The following KALRN variants were observed in gnomAD, a reference collection of about 807,000 sequenced individuals.
KALRN encodes the protein kalirin.
In KALRN, 70 loss-of-function variants were observed where a neutral mutation model predicts 353.7. The ratio of observed to expected loss-of-function variants is 0.20; its 90% CI spans 0.16 to 0.24. The LOEUF is 0.24. KALRN is among the 10% of genes least tolerant of loss of function. The pLI is 1.00. For missense variants in KALRN, 2,791 were observed against 3,756.7 expected, an observed-to-expected ratio of 0.74 and a Z score of 6.72; for synonymous variants, 1,391 against 1,434.8, an observed-to-expected ratio of 0.97 and a Z score of 0.69.
At chr3:124,341,184 T>G (rs954325643) in intron 9 of KALRN, among the ~76,000 whole-genome samples, 4 of 152,198 alleles carry the variant, frequency 2.6e-5, no homozygotes, top group African/African-American at 9.7e-5. Flanking sequence ...AGACTGTTCT[T>G]GGAAAAGACT....
At chr3:124,156,118 A>G (rs1292891661) in intron 1 of KALRN, among the ~76,000 whole-genome samples, 1 of 152,172 alleles carries the variant, frequency 6.6e-6, no homozygotes, top group Non-Finnish European at 1.5e-5. Flanking sequence ...AGCCAGATTC[A>G]GGGTGGTATA....
chr3:124,193,303 G>A (rs1288997410), intron 1 of KALRN, among the ~76,000 whole-genome samples: 1 of 152,048 alleles, frequency 6.6e-6, no homozygotes, highest in Non-Finnish European at 1.5e-5. Context: ...ATTTTTATGG[G>A]TGAAGAAATG....
intron 34 of KALRN, among the ~76,000 whole-genome samples, chr3:124,601,731 C>T (rs1452897760): frequency 1.3e-5 from 2 of 152,162 alleles, no homozygotes; most frequent in East Asian, 1.9e-4. Context: ...CCTTTTACGG[C>T]TCAGAAATTT....
chr3:124,127,107 A>G (rs1230956850), intron 1 of KALRN, among the ~76,000 whole-genome samples: 6 of 152,198 alleles, frequency 3.9e-5, no homozygotes, highest in Non-Finnish European at 7.3e-5. Flanking sequence ...ATCACCCTTC[A>G]TAAATTTCAA....
At chr3:124,277,060 G>A (rs533462040) in intron 5 of KALRN, among the ~76,000 whole-genome samples, 1 of 152,360 alleles carries the variant, frequency 6.6e-6, no homozygotes, top group East Asian at 1.9e-4. Context: ...CAGGAACCTA[G>A]GCGGTGGCTA....
chr3:124,640,369 C>T (rs1351757668), intron 37 of KALRN, among the ~76,000 whole-genome samples: 1 of 151,156 alleles, frequency 6.6e-6, no homozygotes, highest in East Asian at 1.9e-4. Context: ...TCTCTGCAAC[C>T]TCCACCTCCC....
chr3:124,548,987 C>A (rs1340622575), intron 33 of KALRN, among the ~76,000 whole-genome samples: 2 of 152,146 alleles, frequency 1.3e-5, no homozygotes, highest in Non-Finnish European at 2.9e-5. Context: ...AAACAGCAGC[C>A]CTATTAAGTT....
intron 10 of KALRN, among the ~76,000 whole-genome samples, chr3:124,351,673 G>C (rs1039256528): frequency 2.0e-5 from 3 of 152,192 alleles, no homozygotes; most frequent in African/African-American, 7.2e-5. Flanking sequence ...ATTCTTACCA[G>C]TGGTCAGTCT....
chr3:124,488,337 G>A, intron 29 of KALRN, 22 bp downstream of exon 29: 1 of 1,489,818 alleles, frequency 6.7e-7, no homozygotes, highest in Non-Finnish European at 9.4e-7. Flanking sequence ...CCCAGCACTG[G>A]GGAAGCCTCC....
At chr3:124,337,921 C>T (rs555432276) in intron 9 of KALRN, among the ~76,000 whole-genome samples, 3 of 152,104 alleles carry the variant, frequency 2.0e-5, no homozygotes, top group Non-Finnish European at 2.9e-5. Context: ...AGTTTATTTG[C>T]GTAGAGGTAT....
chr3:124,057,470 A>C (rs13082846), intron 1 of KALRN, among the ~76,000 whole-genome samples: 90,842 of 152,010 alleles, frequency 0.6, 29,791 homozygotes, highest in Non-Finnish European at 0.75. Flanking sequence ...TCAATCATGG[A>C]AGGCAGTATA....
intron 34 of KALRN, among the ~76,000 whole-genome samples, chr3:124,601,471 C>T (rs940438688): frequency 2.0e-5 from 3 of 152,232 alleles, no homozygotes; most frequent in African/African-American, 2.4e-5. Context: ...TGGGAGTGTC[C>T]GTGTTCAAAA....
At chr3:124,670,001 G>A (rs574328464) in intron 47 of KALRN, among the ~76,000 whole-genome samples, 151 of 137,596 alleles carry the variant, frequency 1.1e-3, no homozygotes, top group Non-Finnish European at 1.9e-3. Context: ...ACAGAGTCTC[G>A]CTCTGTCGCC....
chr3:124,225,919 A>G (rs2078438098), intron 1 of KALRN, among the ~76,000 whole-genome samples: 1 of 152,244 alleles, frequency 6.6e-6, no homozygotes, highest in African/African-American at 2.4e-5. Context: ...GGGCCTTGCT[A>G]TTTTTGAACT....
chr3:124,443,599 C>G, intron 19 of KALRN, among the ~76,000 whole-genome samples: 1 of 152,348 alleles, frequency 6.6e-6, no homozygotes, highest in African/African-American at 2.4e-5. Context: ...AGCATATGTT[C>G]TGGCTTCCAA....
At chr3:124,438,519 C>A (rs938081114) in intron 17 of KALRN, among the ~76,000 whole-genome samples, 1 of 152,008 alleles carries the variant, frequency 6.6e-6, no homozygotes, top group African/African-American at 2.4e-5. Context: ...AGTCAAGTAT[C>A]TTCTCCAAAC....
chr3:124,683,247 A>G (rs1314858478), intron 51 of KALRN, among the ~76,000 whole-genome samples: 5 of 152,172 alleles, frequency 3.3e-5, no homozygotes, highest in African/African-American at 1.2e-4. Context: ...GCTGAGAACC[A>G]CATGCCCAGC....
chr3:124,224,676 C>T (rs565832242), intron 1 of KALRN, among the ~76,000 whole-genome samples: 1 of 152,326 alleles, frequency 6.6e-6, no homozygotes, highest in Non-Finnish European at 1.5e-5. Flanking sequence ...TATCTGTAAA[C>T]TGATTCTGGG....
Position 124,596,381 on chromosome 3 carries a change from C to T in KALRN, c.5182+33292C>T, listed in dbSNP as rs546034802. 1.2e-4 allele frequency among the ~76,000 whole-genome samples: 18 copies of T among 152,142 alleles called. No homozygotes were observed. In the South Asian group the frequency reaches 2.7e-3, roughly 23 times the overall value. The stretch of plus-strand genomic sequence containing the variant: ...ACTTGGGAGGTTGAGGCAGGAGAAT[C>T]GCTTGAACCCAAGAGGTGGAGGTTG... On this transcript the variant is annotated intron_variant, in intron 34 of 59. Transcript: ENST00000682506.
Sources: gnomAD v4.1 joint callset for allele counts (sites outside exome capture counted in the v4.1 genomes callset) on GRCh38, gnomAD v4.1.1 for gene constraint, MANE v1.5 for transcripts, NCBI Gene and HGNC (gene_info 2026-07-23, HGNC 2026-07-21) for gene names.